The following COL6A3 variants were observed in gnomAD, a reference collection of about 807,000 sequenced individuals.
The protein encoded by COL6A3 is collagen alpha-3(VI) chain.
A neutral mutation model predicts 274.1 loss-of-function variants in COL6A3; 137 were observed. The ratio of observed to expected loss-of-function variants is 0.50; its 90% CI spans 0.44 to 0.58. COL6A3 has a LOEUF of 0.58. Among genes scored for constraint, COL6A3 ranks in the 20% least tolerant of loss-of-function variants. The pLI is 0.00. For synonymous variants in COL6A3, 1,650 were observed against 1,650.6 expected (o/e 1.00, Z 0.01); for missense variants, 3,950 against 4,124.9 (o/e 0.96, Z 1.16).
At chr2:237,359,953 C>T (rs777122642) in intron 17 of COL6A3, 135 bp downstream of exon 17, 14 of 887,610 alleles carry the variant, frequency 1.6e-5, no homozygotes, top group Non-Finnish European at 2.6e-5. Flanking sequence ...AACTGCCTTC[C>T]AATGAGAGGT....
chr2:237,326,759 T>A (rs1340957506), intron 42 of COL6A3: 1 of 152,202 alleles, frequency 6.6e-6, no homozygotes, highest in Non-Finnish European at 1.5e-5. Flanking sequence ...GGCAGGCTGC[T>A]CACAGCTGCG....
chr2:237,401,286 C>T (rs1260732780), intron 1 of COL6A3, among the ~76,000 whole-genome samples: 1 of 152,200 alleles, frequency 6.6e-6, no homozygotes, highest in East Asian at 1.9e-4. Context: ...TATATGTGCA[C>T]ACCCATGTTC....
chr2:237,347,889 G>T lies in COL6A3; in HGVS notation c.6967-20C>A. ...GTTACCCTGGGAAGAAAGCCGAGAA[G>T]TGGCACAGTAAGCTTTGGAACAGAA... On this transcript the variant is annotated intron_variant, in intron 30 of 43. Coordinates refer to ENST00000295550, the MANE Select transcript of COL6A3 (RefSeq NM_004369.4). The T allele has an allele frequency of 1.2e-6, 2 of 1,602,878 alleles. No individual in the cohort carries two copies. The highest frequency in any genetic ancestry group is 1.7e-6 in the Non-Finnish European group (2 of 1,173,664).
At chr2:237,342,416 TG>T (rs981985609) in intron 36 of COL6A3, 7 of 526,092 alleles carry the variant, frequency 1.3e-5, no homozygotes, top group African/African-American at 1.1e-4. Context: ...AGCTGTAAAA[TG>T]GGGGGTAATA....
chr2:237,377,230 T>C lies in COL6A3; in HGVS notation c.2612A>G (p.Glu871Gly), dbSNP rs765377298. 2 of 1,613,092 alleles carry C rather than the reference T, an allele frequency of 1.2e-6. No individual in the cohort carries two copies. The highest frequency in any genetic ancestry group is 1.7e-5 in the Admixed American group (1 of 60,026). ...CTGAGCCACCGCAATTCGGGTCCCC[T>C]CTGGCTTCACATTGAGCTCATCGAT... ...KIIDELNVKP[E>G]GTRIAVAQYS... The change falls in exon 7 of 44, where the codon GAG (glutamate) becomes GGG (glycine). Residue 871 changes from glutamate to glycine, a missense_variant. Physicochemically the swap from Glu to Gly is moderately conservative, Grantham distance 98. Transcript: ENST00000295550.
Position 237,387,758 on chromosome 2 carries a change from A to G in COL6A3, c.1136T>C (p.Leu379Pro). ...LKQASVFSFG[L>P]GAQAASRAEL... ...TGCCCTGGAGGCGGCCTGGGCTCCA[A>G]GGCCGAATGAGAACACGCTAGCCTG... Residue 379 changes from leucine (L) to proline (P), a missense_variant, in exon 4 of 44, where the codon CTT becomes CCT. This residue lies in a region of COL6A3 where 1,934 missense variants were observed against 1,984.3 expected (regional missense o/e 0.97). Coordinates refer to ENST00000295550, the MANE Select transcript of COL6A3 (RefSeq NM_004369.4). 1 of 1,614,068 alleles carries G rather than the reference A, an allele frequency of 6.2e-7. No homozygotes were observed.
At position 237,344,239 on chromosome 2, in the gene COL6A3, C is replaced by T. The variant is rs945879349; in HGVS notation, c.7668+111G>A. 138 of 1,530,552 alleles carry T rather than the reference C, an allele frequency of 9.0e-5. No individual in the cohort carries two copies. Among genetic ancestry groups the T allele is most frequent in the Admixed American group, 1.3e-4 (8 of 59,870 alleles). The allele number at this position is 1,530,552 out of a possible 1,614,324, so 94.8% of individuals were successfully genotyped here. A position where few individuals can be genotyped will look rare whatever the true frequency, so the allele number is the denominator to read the frequency against. On this transcript the variant is annotated intron_variant, in intron 36 of 43. Coordinates refer to ENST00000295550, the MANE Select transcript of COL6A3 (RefSeq NM_004369.4). The surrounding 1 kb of genome is among the most constrained non-coding windows in gnomAD (Gnocchi z 4.8). The stretch of plus-strand genomic sequence containing the variant: ...CTCAGGCAGATGGCCTCATTGGGGA[C>T]GTTTTAGGAGCTATGGGACATGAAG...
chr2:237,340,381 C>T, intron 38 of COL6A3, 71 bp downstream of exon 38: 1 of 1,427,872 alleles, frequency 7.0e-7, no homozygotes, highest in Non-Finnish European at 9.7e-7. Flanking sequence ...TTTTCCATGA[C>T]TGTTCCTACA....
chr2:237,346,157 A>G (rs2106326563), intron 32 of COL6A3, among the ~76,000 whole-genome samples: 1 of 152,178 alleles, frequency 6.6e-6, no homozygotes, highest in East Asian at 1.9e-4. Context: ...TGGCATAATT[A>G]CACTGCTTCT....
chr2:237,366,769 G>A lies in COL6A3; in HGVS notation c.5418C>T (p.Ser1806=), dbSNP rs398124123. The A allele has an allele frequency of 2.6e-5, 42 of 1,614,136 alleles. No homozygotes were observed. The highest frequency in any genetic ancestry group is 4.4e-5 in the South Asian group (4 of 91,088). Residue 1806 remains serine (S), a synonymous_variant, in exon 11 of 44, where the codon TCC becomes TCT. Coordinates refer to ENST00000295550, the MANE Select transcript of COL6A3 (RefSeq NM_004369.4). ...TTTCCAAAACTTGCTCGCTCAGTTC[G>A]GACAGCTCCTGGACGTTGCCCACGC... ...AFRVGNVQEL[S]ELSEQVLETL...
intron 42 of COL6A3, chr2:237,330,117 A>G (rs75586091): frequency 2.0e-5 from 3 of 152,310 alleles, no homozygotes; most frequent in Admixed American, 2.0e-4. Context: ...TTTAAGTTAG[A>G]TTTTTGTTGT....
chr2:237,380,835 AC>A, intron 5 of COL6A3, 79 bp downstream of exon 5: 1 of 1,293,534 alleles, frequency 7.7e-7, no homozygotes, highest in Non-Finnish European at 1.1e-6. Flanking sequence ...CTAAACACAA[AC>A]ACACTTCATT....
At chr2:237,353,431 G>A (rs986097546) in intron 24 of COL6A3, 28 bp from the exon 25 acceptor site, 1 of 1,603,852 alleles carries the variant, frequency 6.2e-7, no homozygotes, top group Admixed American at 1.7e-5. Flanking sequence ...ATGCAGGGAG[G>A]AGTCAGGATG....
chr2:237,345,010 C>G (rs112563876), intron 34 of COL6A3, 48 bp downstream of exon 34: 1 of 1,614,006 alleles, frequency 6.2e-7, no homozygotes, highest in African/African-American at 1.3e-5. Context: ...GTGAGAATTT[C>G]GAATGTAAAA....
At chr2:237,330,658 C>T (rs957487261) in intron 42 of COL6A3, among the ~76,000 whole-genome samples, 2 of 152,170 alleles carry the variant, frequency 1.3e-5, no homozygotes, top group Non-Finnish European at 2.9e-5. Context: ...CTGCCACATA[C>T]CAAACAGGGC....
chr2:237,334,449 A>G (rs753514131), intron 41 of COL6A3, among the ~76,000 whole-genome samples, 177 bp downstream of exon 41: 6 of 152,188 alleles, frequency 3.9e-5, no homozygotes, highest in Non-Finnish European at 7.4e-5. Flanking sequence ...TCTGTGTTTT[A>G]TAAGCTTAGG....
At chr2:237,384,509 A>G (rs1316954822) in intron 4 of COL6A3, among the ~76,000 whole-genome samples, 2 of 151,890 alleles carry the variant, frequency 1.3e-5, no homozygotes, top group Non-Finnish European at 2.9e-5. Flanking sequence ...AGTCTTCCTC[A>G]TGCATCACCC....
chr2:237,389,495 C>T (rs1021642132), intron 3 of COL6A3, among the ~76,000 whole-genome samples: 1 of 152,266 alleles, frequency 6.6e-6, no homozygotes, highest in East Asian at 1.9e-4. Context: ...TTTTCAATGA[C>T]AGTGAACATT....
intron 36 of COL6A3, chr2:237,342,500 T>C (rs1188127496): frequency 1.9e-5 from 6 of 310,882 alleles, no homozygotes; most frequent in Non-Finnish European, 3.7e-5. Flanking sequence ...CTCTGGCAAA[T>C]AGTAGGAACT....
Sources: allele counts gnomAD v4.1 joint callset (sites outside exome capture counted in the v4.1 genomes callset), GRCh38; gene constraint gnomAD v4.1.1; regional missense constraint gnomAD v4.1.1; non-coding constraint Gnocchi (gnomAD v3.1); transcripts MANE v1.5; gene names NCBI Gene and HGNC (gene_info 2026-07-23, HGNC 2026-07-21).